EXOC3: variants seen among roughly 807,000 people sequenced by gnomAD.
EXOC3 encodes SEC6-like 1.
Under a neutral mutation model 73.7 loss-of-function variants are expected in EXOC3, and 21 were observed. The ratio of observed to expected loss-of-function variants is 0.29; its 90% CI spans 0.20 to 0.41. The LOEUF (loss-of-function observed/expected upper bound fraction) is 0.41. Among genes scored for constraint, EXOC3 ranks in the 10% least tolerant of loss-of-function variants. EXOC3 has a pLI of 1.00. For missense variants in EXOC3, 842 were observed against 985.1 expected, an observed-to-expected ratio of 0.85 and a Z score of 1.95; for synonymous variants, 410 against 389.1, an observed-to-expected ratio of 1.05 and a Z score of -0.63.
intron 3 of EXOC3, among the ~76,000 whole-genome samples, chr5:449,358 C>T (rs765744920): frequency 6.6e-6 from 1 of 152,164 alleles, no homozygotes; most frequent in Non-Finnish European, 1.5e-5. Flanking sequence ...CTATTAAGAA[C>T]ATTCATATTG....
rs140433753 is a variant in EXOC3, at chr5:464,344, G to A, written c.1708G>A (p.Asp570Asn). The change falls in exon 10 of 13, where the codon GAC becomes AAC. Residue 570 changes from aspartate (D) to asparagine (N), a missense_variant. Transcript: ENST00000512944. ...KKWLLGSNAV[D>N]IICVTVEDYF... ...GTGGCTATTAGGGTCAAACGCTGTA[G>A]ACATTATCTGTGTCACCGTGGAAGA... 2.5e-6 allele frequency: 4 copies of A among 1,613,664 alleles called. No homozygotes were observed. The highest frequency in any genetic ancestry group is 2.5e-6 in the Non-Finnish European group (3 of 1,179,578).
At chr5:458,171 C>G in intron 6 of EXOC3, 146 bp downstream of exon 6, 1 of 780,696 alleles carries the variant, frequency 1.3e-6, no homozygotes, top group Non-Finnish European at 2.0e-6. Flanking sequence ...CATCTAAGTC[C>G]TCTCCTCTCT....
At chr5:462,403 A>C in intron 9 of EXOC3, 96 bp downstream of exon 9, 1 of 1,421,844 alleles carries the variant, frequency 7.0e-7, no homozygotes, top group South Asian at 1.2e-5. Context: ...TACCGTGCGG[A>C]TGCCGTCTGG....
intron 2 of EXOC3, 85 bp downstream of exon 2, chr5:446,434 C>A: frequency 1.5e-6 from 2 of 1,307,238 alleles, no homozygotes; most frequent in Non-Finnish European, 2.1e-6. Context: ...GCTAAACTAG[C>A]CTTTATGGTA....
intron 9 of EXOC3, among the ~76,000 whole-genome samples, chr5:464,053 C>T (rs1276493811): frequency 6.6e-6 from 1 of 152,240 alleles, no homozygotes; most frequent in East Asian, 1.9e-4. Flanking sequence ...CAAAGATGCA[C>T]GGAAGTGCCT....
intron 1 of EXOC3, among the ~76,000 whole-genome samples, chr5:445,633 C>T (rs1007809624): frequency 3.9e-5 from 6 of 152,214 alleles, no homozygotes; most frequent in African/African-American, 1.4e-4. Flanking sequence ...GGATTACAGG[C>T]GTGAGCCACC....
chr5:447,252 C>T, intron 2 of EXOC3: 1 of 364,604 alleles, frequency 2.7e-6, no homozygotes, highest in South Asian at 3.9e-5. Context: ...GTGGTAGTGT[C>T]CAGGATCACC....
intron 9 of EXOC3, among the ~76,000 whole-genome samples, chr5:462,931 C>T (rs1157145786): frequency 1.3e-5 from 2 of 152,164 alleles, no homozygotes; most frequent in African/African-American, 4.8e-5. Flanking sequence ...CATGGAGAAA[C>T]CCCATCTCTA....
At chr5:452,002 C>G (rs775104540) in intron 3 of EXOC3, among the ~76,000 whole-genome samples, 2 of 152,168 alleles carry the variant, frequency 1.3e-5, no homozygotes, top group African/African-American at 2.4e-5. Flanking sequence ...TAAGTTGTAT[C>G]TTAGTGTGGA....
At position 447,214 on chromosome 5, in the gene EXOC3, G is replaced by A. The variant is rs1208336964; in HGVS notation, c.145-319G>A. The stretch of plus-strand genomic sequence containing the variant: ...TGGGTGACATCCTTCTGAAGGTACC[G>A]TAGCAGGCCACGGCCCAGGGCAGAC... On this transcript the variant is annotated intron_variant, in intron 2 of 12. Transcript: ENST00000512944. 19 of 229,598 alleles carry A rather than the reference G, an allele frequency of 8.3e-5. No individual in the cohort carries two copies. In the South Asian group the frequency reaches 1.7e-3, roughly 20 times the overall value. 14.2% of individuals were successfully genotyped at this position (229,598 alleles called of 1,614,324 possible). A position where few individuals can be genotyped will look rare whatever the true frequency, so the allele number is the denominator to read the frequency against.
At chr5:445,426 T>C (rs1316602394) in intron 1 of EXOC3, among the ~76,000 whole-genome samples, 1 of 150,480 alleles carries the variant, frequency 6.6e-6, no homozygotes, top group Non-Finnish European at 1.5e-5. Context: ...CTCGGCTGAC[T>C]GCAAGCTCCG....
chr5:457,711 C>T (rs1737862734), intron 5 of EXOC3, 189 bp from the exon 6 acceptor site: 1 of 577,848 alleles, frequency 1.7e-6, no homozygotes, highest in South Asian at 2.1e-5. Context: ...CTGCGGGCTG[C>T]TGTGGTCACT....
At chr5:466,071 C>G (rs10036595) in intron 12 of EXOC3, 1 of 348,508 alleles carries the variant, frequency 2.9e-6, no homozygotes, top group Non-Finnish European at 5.5e-6. Flanking sequence ...GCTCGAGGGG[C>G]ACATCCCGGG....
intron 9 of EXOC3, among the ~76,000 whole-genome samples, chr5:463,127 A>T (rs1049299003): frequency 6.6e-6 from 1 of 152,134 alleles, no homozygotes. Context: ...ACAACAAAAT[A>T]ATAAGACCAT....
Position 461,951 on chromosome 5 carries a change from T to C in EXOC3, c.1392-9T>C. ...TAGTGCTGTCTGACCGAAGCCTGTC[T>C]GTCCTCAGATATAAAGATGAAGCGC... On this transcript the variant is annotated splice_polypyrimidine_tract_variant and intron_variant, in intron 7 of 12. Transcript: ENST00000512944. The C allele has an allele frequency of 6.4e-7, 1 of 1,572,864 alleles. No individual in the cohort carries two copies. Among genetic ancestry groups the C allele is most frequent in the Non-Finnish European group, 8.6e-7 (1 of 1,157,804 alleles).
chr5:454,193 G>C, intron 4 of EXOC3, 142 bp downstream of exon 4: 1 of 671,452 alleles, frequency 1.5e-6, no homozygotes, highest in South Asian at 2.0e-5. Flanking sequence ...TCCAGCCCAG[G>C]GGTGTCTTCT....
Position 462,320 on chromosome 5 carries a change from CT to C in EXOC3, c.1653+16del, listed in dbSNP as rs1560940224. The stretch of plus-strand genomic sequence containing the variant: ...CCTGGACCTGGAGGTGGGCCTGGCT[CT>C]TTCCTCCTGCCGTTTTCTGGGCCGA... On this transcript the variant is annotated intron_variant, in intron 9 of 12. Coordinates refer to ENST00000512944, the MANE Select transcript of EXOC3 (RefSeq NM_007277.5). The C allele has an allele frequency of 6.2e-7, 1 of 1,613,624 alleles. No individual in the cohort carries two copies. Among genetic ancestry groups the C allele is most frequent in the Admixed American group, 1.7e-5 (1 of 60,006 alleles).
chr5:465,989 C>T, intron 12 of EXOC3, 144 bp downstream of exon 12: 1 of 903,926 alleles, frequency 1.1e-6, no homozygotes, highest in African/African-American at 1.7e-5. Context: ...CACAGCGGGG[C>T]CCAGGCGCAG....
rs1348478671 is a variant in EXOC3 at position 467,090 on chromosome 5, G to A, written c.*192G>A. 2 of 603,956 alleles carry A rather than the reference G, an allele frequency of 3.3e-6. No individual in the cohort carries two copies. Among genetic ancestry groups the A allele is most frequent in the East Asian group, 2.8e-5 (1 of 36,150 alleles). 37.4% of individuals were successfully genotyped at this position (603,956 alleles called of 1,614,324 possible). ...GCCACGTGCGGAGGCCCCTCACTGT[G>A]CTGTCAAAGGCCTGTGGGTGCAGGG... On this transcript the variant is annotated 3_prime_UTR_variant, in exon 13 of 13. Coordinates refer to ENST00000512944, the MANE Select transcript of EXOC3 (RefSeq NM_007277.5).
Sources: allele counts gnomAD v4.1 joint callset (sites outside exome capture counted in the v4.1 genomes callset), GRCh38; gene constraint gnomAD v4.1.1; transcripts MANE v1.5; gene names NCBI Gene and HGNC (gene_info 2026-07-23, HGNC 2026-07-21).